Variants in ATP6V0A4 observed in about 807,000 individuals in gnomAD.
ATP6V0A4 encodes V-type proton ATPase 116 kDa subunit a 4.
A neutral mutation model predicts 107.3 loss-of-function variants in ATP6V0A4; 86 were observed. The observed-to-expected ratio is 0.80, with a 90% CI of 0.67 to 0.96. The LOEUF (loss-of-function observed/expected upper bound fraction) is 0.96, where lower values mean the gene tolerates loss of function less well. Among genes scored for constraint, ATP6V0A4 ranks in the 40% least tolerant of loss-of-function variants. ATP6V0A4 has a pLI of 0.00. For synonymous variants in ATP6V0A4, 353 were observed against 381.4 expected (o/e 0.93, Z 0.87); for missense variants, 908 against 1,045.6 (o/e 0.87, Z 1.81).
At chr7:138,773,000 T>G (rs1384665490) in intron 2 of ATP6V0A4, among the ~76,000 whole-genome samples, 1 of 151,844 alleles carries the variant, frequency 6.6e-6, no homozygotes, top group Non-Finnish European at 1.5e-5. Context: ...TTCCCAAAGA[T>G]CCTCCCGACG....
intron 20 of ATP6V0A4, among the ~76,000 whole-genome samples, chr7:138,711,810 T>C (rs1803757270): frequency 6.6e-6 from 1 of 152,222 alleles, no homozygotes; most frequent in Non-Finnish European, 1.5e-5. Flanking sequence ...ACACGAATAC[T>C]CAGATGCACA....
At chr7:138,718,319 T>C (rs1395971695) in intron 19 of ATP6V0A4, among the ~76,000 whole-genome samples, 7 of 84,120 alleles carry the variant, frequency 8.3e-5, no homozygotes, top group African/African-American at 3.0e-4. Context: ...TGTGTGTGTG[T>C]GCAGTTATGG....
In ATP6V0A4 at chr7:138,735,177, G is replaced by A. The variant is rs141206822; in HGVS notation, c.1573-923C>T. 2.1e-3 allele frequency among the ~76,000 whole-genome samples: 313 copies of A among 152,148 alleles called. 1 individual carries two copies. Among genetic ancestry groups the A allele is most frequent in the Non-Finnish European group, 3.6e-3 (247 of 67,996 alleles). ...CTGGTGGGTGGAGGGGTTAGTTAGGGTCTCACACTAGCTAAGGACCAGAGT... is the reference window on the plus strand; with the variant it reads ...CTGGTGGGTGGAGGGGTTAGTTAGGATCTCACACTAGCTAAGGACCAGAGT... On this transcript the variant is annotated intron_variant, in intron 15 of 21. Transcript: ENST00000310018.
chr7:138,741,889 G>T (rs552779002), intron 14 of ATP6V0A4, among the ~76,000 whole-genome samples: 1 of 152,302 alleles, frequency 6.6e-6, no homozygotes, highest in East Asian at 1.9e-4. Context: ...CTGCCACAGT[G>T]ATAATGAGGT....
intron 2 of ATP6V0A4, among the ~76,000 whole-genome samples, chr7:138,785,529 G>A (rs183628136): frequency 5.3e-5 from 8 of 151,930 alleles, no homozygotes; most frequent in Admixed American, 2.6e-4. Flanking sequence ...CACCTGCCTC[G>A]GCCTTCCAAA....
rs1554392929 is a variant in ATP6V0A4, at chr7:138,730,931, C to CTTCTTTTT, written c.1908+1945_1908+1946insAAAAAGAA. 5.3e-4 allele frequency among the ~76,000 whole-genome samples: 66 copies of CTTCTTTTT among 123,744 alleles called. 1 individual carries two copies. The highest frequency in any genetic ancestry group is 1.6e-3 in the South Asian group (6 of 3,736). The allele number at this position is 123,744 out of a possible 152,430, so 81.2% of individuals were successfully genotyped here. ...CAAGGCATTTTTTCTTCTTCTTCTTCTTTTTTTATTTTTTTTTTTGAGACA... is the reference window on the plus strand; with the variant it reads ...CAAGGCATTTTTTCTTCTTCTTCTTCTTCTTTTTTTTTTTTATTTTTTTTTTTGAGACA... On this transcript the variant is annotated intron_variant, in intron 17 of 21. Transcript: ENST00000310018.
chr7:138,778,979 T>G (rs6979610), intron 2 of ATP6V0A4, among the ~76,000 whole-genome samples: 100,764 of 152,012 alleles, frequency 0.66, 36,101 homozygotes, highest in East Asian at 0.94. Context: ...ATCTCGTGAA[T>G]AGAAGAATGA....
At chr7:138,740,650 C>T (rs1805589082) in intron 14 of ATP6V0A4, among the ~76,000 whole-genome samples, 1 of 150,358 alleles carries the variant, frequency 6.7e-6, no homozygotes, top group Non-Finnish European at 1.5e-5. Flanking sequence ...CCATGTTGGT[C>T]AGGCTGGTCT....
At chr7:138,784,732 C>T (rs1808104698) in intron 2 of ATP6V0A4, among the ~76,000 whole-genome samples, 1 of 152,134 alleles carries the variant, frequency 6.6e-6, no homozygotes, top group South Asian at 2.1e-4. Flanking sequence ...AGAATCAATC[C>T]TCTATATTAT....
At chr7:138,758,850 C>A (rs187261217) in intron 8 of ATP6V0A4, among the ~76,000 whole-genome samples, 77 of 137,304 alleles carry the variant, frequency 5.6e-4, no homozygotes, top group African/African-American at 2.0e-3. Flanking sequence ...TCTTGGGTAC[C>A]AGTGATTCTC....
intron 19 of ATP6V0A4, among the ~76,000 whole-genome samples, chr7:138,718,530 C>T (rs35735948): frequency 0.18 from 8,559 of 47,556 alleles, 353 homozygotes; most frequent in African/African-American, 0.29. Flanking sequence ...AGGAATGGGG[C>T]GGGTGGTGCA....
intron 2 of ATP6V0A4, among the ~76,000 whole-genome samples, chr7:138,784,271 T>TATATATATACATATATATATATAC (rs1808071900): frequency 6.1e-5 from 2 of 32,702 alleles, no homozygotes; most frequent in African/African-American, 2.2e-4. Flanking sequence ...TATATACATA[T>TATATATATACATATATATATATAC]ATATATATAC....
chr7:138,787,439 T>C (rs2130212386), intron 1 of ATP6V0A4, among the ~76,000 whole-genome samples: 1 of 152,290 alleles, frequency 6.6e-6, no homozygotes, highest in African/African-American at 2.4e-5. Flanking sequence ...TCCAGGACTC[T>C]TGACTCAGGA....
At chr7:138,783,804 T>C (rs1169415862) in intron 2 of ATP6V0A4, among the ~76,000 whole-genome samples, 1 of 152,212 alleles carries the variant, frequency 6.6e-6, no homozygotes, top group Non-Finnish European at 1.5e-5. Context: ...CTTTGAACCA[T>C]GACATCTTTG....
chr7:138,748,956 C>T (rs111262941), intron 12 of ATP6V0A4, among the ~76,000 whole-genome samples: 15 of 152,282 alleles, frequency 9.9e-5, no homozygotes, highest in African/African-American at 2.2e-4. Context: ...CATTTATAGA[C>T]GACACCACAG....
chr7:138,785,538 A>G (rs1278152554), intron 2 of ATP6V0A4, among the ~76,000 whole-genome samples: 1 of 152,072 alleles, frequency 6.6e-6, no homozygotes, highest in East Asian at 1.9e-4. Context: ...CGGCCTTCCA[A>G]AGTACTGGGA....
intron 1 of ATP6V0A4, among the ~76,000 whole-genome samples, chr7:138,796,854 G>A (rs1808691351): frequency 6.7e-6 from 1 of 150,052 alleles, no homozygotes; most frequent in African/African-American, 2.4e-5. Flanking sequence ...TGCCTAGGAT[G>A]AGACCTTTTA....
intron 19 of ATP6V0A4, among the ~76,000 whole-genome samples, chr7:138,717,579 G>A (rs1419186331): frequency 6.6e-5 from 10 of 151,348 alleles, no homozygotes; most frequent in Admixed American, 5.3e-4. Flanking sequence ...AAAGAAAGAG[G>A]CGCTCCCAGC....
rs10235062 is a variant in ATP6V0A4, at chr7:138,737,368, C to T, written c.1572+2172G>A. Among the ~76,000 whole-genome samples, 1,091 of 151,304 alleles carry T rather than the reference C, an allele frequency of 7.2e-3. 17 individuals carry two copies. Among genetic ancestry groups the T allele is most frequent in the African/African-American group, 0.025 (1,019 of 41,212 alleles). Reference sequence around the variant, plus strand: ...GGCTCTCATTCTCTCTCTTGCCTGCCGCCATGTAAGATGTGCCTTTCACTT... The same window carrying T: ...GGCTCTCATTCTCTCTCTTGCCTGCTGCCATGTAAGATGTGCCTTTCACTT... On this transcript the variant is annotated intron_variant, in intron 15 of 21. Coordinates refer to ENST00000310018, the MANE Select transcript of ATP6V0A4 (RefSeq NM_020632.3).
Sources: gnomAD v4.1 joint callset for allele counts (sites outside exome capture counted in the v4.1 genomes callset) on GRCh38, gnomAD v4.1.1 for gene constraint, MANE v1.5 for transcripts, NCBI Gene and HGNC (gene_info 2026-07-23, HGNC 2026-07-21) for gene names.